PCDHA1: variants seen among roughly 807,000 people sequenced by gnomAD.
PCDHA1 encodes protocadherin alpha 1, also known as protocadherin alpha-1.
In PCDHA1, 42 loss-of-function variants were observed where a neutral mutation model predicts 61.3. The ratio of observed to expected loss-of-function variants is 0.69; its 90% confidence interval spans 0.54 to 0.89. The LOEUF is 0.89. Among genes scored for constraint, PCDHA1 ranks in the 40% least tolerant of loss-of-function variants. The pLI is 0.00. For synonymous variants in PCDHA1, 610 were observed against 553.8 expected, an observed-to-expected ratio of 1.10 and a Z score of -1.43; for missense variants, 1,256 against 1,235.3, an observed-to-expected ratio of 1.02 and a Z score of -0.25.
rs577527606 is a variant in PCDHA1 at position 140,882,595 on chromosome 5, C to A, written c.2394+93911C>A. 3.7e-6 allele frequency: 6 copies of A among 1,614,204 alleles called. No individual in the cohort carries two copies. The African/African-American group carries it at 8.0e-5, about 22-fold the overall frequency. On this transcript the variant is annotated intron_variant, in intron 1 of 3. Coordinates refer to ENST00000504120, the MANE Select transcript of PCDHA1 (RefSeq NM_018900.4). ...AGTGCAGCATCCACCTGGAGGTGAT[C>A]GTGGACAGGCCTCTGCAGGTTTTCC...
intron 1 of PCDHA1, chr5:140,877,883 A>T: frequency 1.4e-6 from 2 of 1,460,312 alleles, no homozygotes; most frequent in East Asian, 2.5e-5. Context: ...TCCTTGAAGA[A>T]CTTCCGTTTA....
chr5:140,898,330 G>A (rs536378486), intron 1 of PCDHA1, among the ~76,000 whole-genome samples: 29 of 152,102 alleles, frequency 1.9e-4, no homozygotes, highest in African/African-American at 6.0e-4. Flanking sequence ...TGGGTCTAAC[G>A]TTTAAGTCTT....
At position 140,877,504 on chromosome 5, in the gene PCDHA1, A is replaced by T. The variant is rs532509235; in HGVS notation, c.2394+88820A>T. The T allele has an allele frequency of 1.1e-5, 18 of 1,613,764 alleles. No individual in the cohort carries two copies. The South Asian group carries it at 1.3e-4, about 12-fold the overall frequency. On this transcript the variant is annotated intron_variant, in intron 1 of 3. Coordinates refer to ENST00000504120, the MANE Select transcript of PCDHA1 (RefSeq NM_018900.4). ...GGTGGAGAACGGCCAGGCCCCAAAG[A>T]CGTCGTCGCGGGCCTCAGTGGGCGC...
intron 3 of PCDHA1, among the ~76,000 whole-genome samples, chr5:140,993,762 A>G (rs1019928055): frequency 2.6e-5 from 4 of 152,204 alleles, no homozygotes; most frequent in Non-Finnish European, 4.4e-5. Flanking sequence ...TTATATTACA[A>G]TTGCGCAGTA....
intron 1 of PCDHA1, chr5:140,929,822 A>G (rs1554207413): frequency 1.9e-5 from 3 of 157,286 alleles, no homozygotes; most frequent in African/African-American, 2.4e-5. Flanking sequence ...GAAAGGGAAC[A>G]TAAGAGAACA....
chr5:140,842,657 G>A lies in PCDHA1; in HGVS notation c.2394+53973G>A, dbSNP rs2150341261. 6 of 1,595,442 alleles carry A rather than the reference G, an allele frequency of 3.8e-6. No individual in the cohort carries two copies. In the Admixed American group the frequency reaches 5.1e-5, roughly 13 times the overall value. ...CACCGCCAGCTTGTCTGTGGAGGTG[G>A]CCGACGTGAACGACAATGCTCCGGC... On this transcript the variant is annotated intron_variant, in intron 1 of 3. Transcript: ENST00000504120.
chr5:140,885,873 T>A (rs1365119411), intron 1 of PCDHA1, among the ~76,000 whole-genome samples: 3 of 152,154 alleles, frequency 2.0e-5, no homozygotes, highest in Admixed American at 6.5e-5. Flanking sequence ...TGAAAAAAAA[T>A]TTTTAGTTTC....
intron 1 of PCDHA1, chr5:140,808,731 G>T (rs1554124738): frequency 3.1e-6 from 5 of 1,612,164 alleles, no homozygotes; most frequent in Admixed American, 1.7e-5. Context: ...GCGGAGAGCG[G>T]CAAGGTGTAC....
intron 3 of PCDHA1, among the ~76,000 whole-genome samples, chr5:141,000,412 TA>T (rs2097919630): frequency 4.9e-5 from 5 of 102,770 alleles, no homozygotes; most frequent in Non-Finnish European, 5.8e-5. Context: ...TATATATATA[TA>T]TATATATATT....
chr5:140,852,875 C>A, intron 1 of PCDHA1: 1 of 937,156 alleles, frequency 1.1e-6, no homozygotes, highest in Non-Finnish European at 1.3e-6. Flanking sequence ...CATCAATAAT[C>A]ATAAAACGTA....
chr5:140,854,012 A>G (rs1356134246), intron 1 of PCDHA1: 2 of 368,086 alleles, frequency 5.4e-6, no homozygotes, highest in African/African-American at 4.5e-5. Flanking sequence ...AAAAAAAAAA[A>G]TTAGCCGGGC....
At chr5:140,884,046 A>T in intron 1 of PCDHA1, 1 of 1,613,474 alleles carries the variant, frequency 6.2e-7, no homozygotes, top group Non-Finnish European at 8.5e-7. Flanking sequence ...GTGGTGGCGA[A>T]GGTGCGCGCG....
rs1158226302 is a variant in PCDHA1, at chr5:140,856,812, T to C, written c.2394+68128T>C. 1.9e-6 allele frequency: 3 copies of C among 1,594,276 alleles called. 1 individual carries two copies. Among genetic ancestry groups the C allele is most frequent in the Non-Finnish European group, 2.6e-6 (3 of 1,164,510 alleles). ...GAAGTTAAGATGTATGAAAATCAAG[T>C]GAACCAAACATTAGTAATACGGCTC... On this transcript the variant is annotated intron_variant, in intron 1 of 3. Coordinates refer to ENST00000504120, the MANE Select transcript of PCDHA1 (RefSeq NM_018900.4).
chr5:140,869,840 A>G (rs782569950), intron 1 of PCDHA1: 32 of 1,611,616 alleles, frequency 2.0e-5, no homozygotes, highest in Non-Finnish European at 2.6e-5. Context: ...GATAAATCAG[A>G]ATATAAGGTG....
chr5:140,929,138 G>C (rs150967804), intron 1 of PCDHA1: 183 of 1,614,054 alleles, frequency 1.1e-4, no homozygotes, highest in Non-Finnish European at 1.5e-4. Context: ...ACAGTTGAGA[G>C]ACTTTCTCAG....
chr5:140,850,244 G>C, intron 1 of PCDHA1: 1 of 1,593,676 alleles, frequency 6.3e-7, no homozygotes, highest in Non-Finnish European at 8.6e-7. Flanking sequence ...TGGTGCTGCG[G>C]TCGGTGGGCG....
At chr5:140,806,557 T>C (rs1467853347) in intron 1 of PCDHA1, among the ~76,000 whole-genome samples, 1 of 152,194 alleles carries the variant, frequency 6.6e-6, no homozygotes, top group Non-Finnish European at 1.5e-5. Context: ...TCTGCAAATT[T>C]CCCTGTCAAT....
chr5:140,808,231 A>T, intron 1 of PCDHA1: 1 of 1,614,258 alleles, frequency 6.2e-7, no homozygotes, highest in Non-Finnish European at 8.5e-7. Context: ...ATAATGTCCC[A>T]GATTTGGAAT....
chr5:140,791,176 G>A (rs950296859), intron 1 of PCDHA1, among the ~76,000 whole-genome samples: 1 of 152,204 alleles, frequency 6.6e-6, no homozygotes, highest in Non-Finnish European at 1.5e-5. Flanking sequence ...AGCCACTACC[G>A]ATATTCCTCT....
Sources: allele counts gnomAD v4.1 joint callset (sites outside exome capture counted in the v4.1 genomes callset), GRCh38; gene constraint gnomAD v4.1.1; transcripts MANE v1.5; gene names NCBI Gene and HGNC (gene_info 2026-07-23, HGNC 2026-07-21).